Variants in TENM1 observed in about 807,000 individuals in gnomAD.
TENM1 encodes the protein teneurin-1.
A neutral mutation model predicts 174.8 loss-of-function variants in TENM1; 35 were observed. The observed-to-expected ratio is 0.20, with a 90% CI of 0.15 to 0.27. The LOEUF (loss-of-function observed/expected upper bound fraction) is 0.27, where lower values mean the gene tolerates loss of function less well. Among genes scored for constraint, TENM1 ranks in the 10% least tolerant of loss-of-function variants. The pLI is 1.00. For missense variants in TENM1, 1,633 were observed against 2,130.1 expected (o/e 0.77, Z 4.59); for synonymous variants, 781 against 798.7 (o/e 0.98, Z 0.37).
chrX:124,945,546 A>G (rs2058389440), intron 1 of TENM1, among the ~76,000 whole-genome samples: 2 of 111,440 alleles, frequency 1.8e-5, no homozygotes, highest in Non-Finnish European at 3.8e-5. Context: ...AGAGGTGATG[A>G]TAATTAGTCA....
Position 124,710,138 on chromosome X carries a change from T to C in TENM1, c.777-4887A>G, listed in dbSNP as rs181901092. On this transcript the variant is annotated intron_variant, in intron 4 of 31. Transcript: ENST00000422452. ...TAATGTCTGCTTAACTCTCCCAGAC[T>C]GTTTTTTTCCCCTTTGACCATTTCA... Among the ~76,000 whole-genome samples, 796 of 111,455 alleles carry C rather than the reference T, an allele frequency of 7.1e-3. 5 individuals are homozygous for C. The highest frequency in any genetic ancestry group is 0.025 in the African/African-American group (760 of 30,622).
At chrX:124,514,094 G>T (rs1016791118) in intron 18 of TENM1, among the ~76,000 whole-genome samples, 11 of 109,945 alleles carry the variant, frequency 1.0e-4, no homozygotes, top group Non-Finnish European at 3.8e-5. Context: ...ACAACCTTGT[G>T]AAAATACTAA....
At chrX:124,897,044 T>C (rs970658073) in intron 1 of TENM1, among the ~76,000 whole-genome samples, 8 of 111,434 alleles carry the variant, frequency 7.2e-5, no homozygotes, top group Non-Finnish European at 1.3e-4. Context: ...ATAGATATTA[T>C]TTTTTCATAG....
chrX:124,827,340 C>A (rs1011089225), intron 3 of TENM1, among the ~76,000 whole-genome samples: 2 of 111,873 alleles, frequency 1.8e-5, no homozygotes, highest in African/African-American at 6.5e-5. Flanking sequence ...TGAGTCACTG[C>A]GCCCAGTTGG....
At chrX:124,818,663 C>A (rs2055962094) in intron 3 of TENM1, among the ~76,000 whole-genome samples, 1 of 111,477 alleles carries the variant, frequency 9.0e-6, no homozygotes, top group African/African-American at 3.3e-5. Context: ...GGATAGTGAA[C>A]TAGGATTTTC....
intron 1 of TENM1, among the ~76,000 whole-genome samples, chrX:124,937,632 C>T (rs1189411983): frequency 8.9e-6 from 1 of 111,856 alleles, no homozygotes; most frequent in Non-Finnish European, 1.9e-5. Context: ...TTAGAAGAAG[C>T]ACTACTACGC....
chrX:124,503,738 T>C (rs762937649), intron 18 of TENM1, 35 bp from the exon 22 acceptor site: 67 of 1,134,084 alleles, frequency 5.9e-5, no homozygotes, highest in Non-Finnish European at 7.7e-5. Context: ...ATTAGAAAAC[T>C]GTAAAATATT....
chrX:124,397,620 CAG>C (rs746705293), intron 27 of TENM1, among the ~76,000 whole-genome samples: 1 of 110,780 alleles, frequency 9.0e-6, no homozygotes, highest in Non-Finnish European at 1.9e-5. Context: ...GTTTTTGAGA[CAG>C]AGTCTCGCTC....
intron 3 of TENM1, among the ~76,000 whole-genome samples, chrX:124,740,251 G>A (rs780673940): frequency 8.9e-6 from 1 of 111,877 alleles, no homozygotes; most frequent in Non-Finnish European, 1.9e-5. Flanking sequence ...AGCTTAATCA[G>A]TAGGGGTTTC....
intron 4 of TENM1, among the ~76,000 whole-genome samples, chrX:124,718,632 A>G (rs975161456): frequency 8.9e-6 from 1 of 112,001 alleles, no homozygotes; most frequent in Admixed American, 9.5e-5. Flanking sequence ...AATGGTTTCT[A>G]TCCCAAACTA....
the TENM1 span, among the ~76,000 whole-genome samples, chrX:125,164,009 AAAC>A: frequency 1.8e-5 from 2 of 112,139 alleles, no homozygotes; most frequent in Non-Finnish European, 3.8e-5. Flanking sequence ...ATAAGCCATG[AAAC>A]AACAAGCTTA....
chrX:124,514,473 AAGAG>A (rs1045373969), intron 18 of TENM1, among the ~76,000 whole-genome samples: 1 of 111,293 alleles, frequency 9.0e-6, no homozygotes, highest in Non-Finnish European at 1.9e-5. Flanking sequence ...TAAAGAAAAA[AAGAG>A]AGAAGGTCCA....
intron 3 of TENM1, among the ~76,000 whole-genome samples, chrX:124,821,949 C>T (rs937240787): frequency 1.1e-4 from 12 of 111,636 alleles, no homozygotes; most frequent in African/African-American, 3.3e-4. Flanking sequence ...ATGATAGTAA[C>T]AAATTGTTCA....
the TENM1 span, among the ~76,000 whole-genome samples, chrX:125,156,359 C>A: frequency 0.21 from 23,110 of 111,098 alleles, 4,673 homozygotes; most frequent in African/African-American, 0.62. Flanking sequence ...TTTGTTACCC[C>A]GGTAATAAGC....
chrX:124,745,048 G>A (rs1338804550), intron 3 of TENM1, among the ~76,000 whole-genome samples: 1 of 111,792 alleles, frequency 8.9e-6, no homozygotes, highest in Admixed American at 9.5e-5. Context: ...AAAGCAAAAG[G>A]CAAAAATTCT....
At chrX:125,183,553 G>A in the TENM1 span, among the ~76,000 whole-genome samples, 4 of 111,790 alleles carry the variant, frequency 3.6e-5, no homozygotes, top group African/African-American at 9.7e-5. Context: ...GCTTGACCTC[G>A]AACGACCATC....
At chrX:125,035,972 C>T in the TENM1 span, among the ~76,000 whole-genome samples, 1 of 110,846 alleles carries the variant, frequency 9.0e-6, no homozygotes, top group East Asian at 2.8e-4. Context: ...ATCTCTCAGG[C>T]TACTCTGGAG....
intron 18 of TENM1, among the ~76,000 whole-genome samples, chrX:124,504,985 A>T (rs746513701): frequency 8.9e-6 from 1 of 111,842 alleles, no homozygotes. Context: ...GACTTTGTGG[A>T]TCATTTGTGG....
At chrX:124,686,332 C>T (rs1336866966) in intron 5 of TENM1, among the ~76,000 whole-genome samples, 1 of 112,126 alleles carries the variant, frequency 8.9e-6, no homozygotes, top group Middle Eastern at 4.2e-3. Flanking sequence ...ACCATTAGAT[C>T]TGCTATTCAA....
Sources: allele counts gnomAD v4.1 joint callset (sites outside exome capture counted in the v4.1 genomes callset), GRCh38; gene constraint gnomAD v4.1.1; transcripts MANE v1.5; gene names NCBI Gene and HGNC (gene_info 2026-07-23, HGNC 2026-07-21).